MRPS6: variants seen among roughly 807,000 people sequenced by gnomAD.
MRPS6 encodes small ribosomal subunit protein bS6m.
In MRPS6, 6 loss-of-function variants were observed where a neutral mutation model predicts 13.1. That is an observed-to-expected ratio of 0.46 (90% CI 0.25 to 0.91). MRPS6 has a LOEUF of 0.91. Among genes scored for constraint, MRPS6 ranks in the 40% least tolerant of loss-of-function variants. The pLI, the probability that MRPS6 is intolerant of heterozygous loss-of-function variation, is 0.18. For synonymous variants in MRPS6, 61 were observed against 56.5 expected, an observed-to-expected ratio of 1.08 and a Z score of -0.36; for missense variants, 164 against 155.6, an observed-to-expected ratio of 1.05 and a Z score of -0.29.
intron 2 of MRPS6, among the ~76,000 whole-genome samples, chr21:34,134,377 T>C (rs977686654): frequency 1.3e-4 from 20 of 152,226 alleles, no homozygotes; most frequent in African/African-American, 4.3e-4. Context: ...ATTTCGTTGC[T>C]TAAGGAACCC....
chr21:34,091,222 T>G (rs1052541540), intron 1 of MRPS6, among the ~76,000 whole-genome samples: 1 of 149,766 alleles, frequency 6.7e-6, no homozygotes, highest in African/African-American at 2.5e-5. Flanking sequence ...GAGGTGGTTG[T>G]TTGGTCACGT....
intron 1 of MRPS6, among the ~76,000 whole-genome samples, chr21:34,115,942 C>A (rs1482486259): frequency 1.4e-5 from 2 of 147,460 alleles, no homozygotes. Context: ...TTGGAAGATA[C>A]ATGGATGTAC....
At chr21:34,098,884 T>A in intron 1 of MRPS6, 1 of 999,518 alleles carries the variant, frequency 1.0e-6, no homozygotes, top group Non-Finnish European at 1.2e-6. Context: ...TGTACTTTCT[T>A]TGACCTTCTT....
At chr21:34,118,887 T>G (rs1246792221) in intron 1 of MRPS6, among the ~76,000 whole-genome samples, 2 of 152,186 alleles carry the variant, frequency 1.3e-5, no homozygotes, top group Non-Finnish European at 2.9e-5. Flanking sequence ...TAAATTTTAA[T>G]AAGTGTTTTC....
At chr21:34,111,858 T>G (rs111472886) in intron 1 of MRPS6, among the ~76,000 whole-genome samples, 3,706 of 152,050 alleles carry the variant, frequency 0.024, 76 homozygotes, top group African/African-American at 0.066. Context: ...TTTTTTTTTT[T>G]TTGTTGCTGT....
intron 2 of MRPS6, among the ~76,000 whole-genome samples, chr21:34,139,080 G>C (rs981581602): frequency 6.6e-6 from 1 of 150,778 alleles, no homozygotes; most frequent in Non-Finnish European, 1.5e-5. Flanking sequence ...GTAAACTGTT[G>C]CAAGGACAAA....
rs1980952047 is a variant in MRPS6, at chr21:34,142,820, C to T, written c.*220C>T. Reference sequence around the variant, plus strand: ...TAACCTGCAGTACCAGTGGATCGTTCTTGATTTTGTTTTCATTAGTGTCAT... The same window carrying T: ...TAACCTGCAGTACCAGTGGATCGTTTTTGATTTTGTTTTCATTAGTGTCAT... On this transcript the variant is annotated 3_prime_UTR_variant, in exon 3 of 3. Transcript: ENST00000399312. 7.6e-6 allele frequency: 3 copies of T among 395,746 alleles called. No individual in the cohort carries two copies. The highest frequency in any genetic ancestry group is 8.7e-6 in the Non-Finnish European group (2 of 228,822). 24.5% of individuals were successfully genotyped at this position (395,746 alleles called of 1,614,324 possible). A position where few individuals can be genotyped will look rare whatever the true frequency, so the allele number is the denominator to read the frequency against.
At chr21:34,133,360 A>T (rs1393147364) in intron 2 of MRPS6, among the ~76,000 whole-genome samples, 1 of 152,180 alleles carries the variant, frequency 6.6e-6, no homozygotes, top group Non-Finnish European at 1.5e-5. Flanking sequence ...GGAGGGCTGG[A>T]TGAGAATTGA....
chr21:34,133,588 C>T (rs1015826577), intron 2 of MRPS6, among the ~76,000 whole-genome samples: 1 of 152,196 alleles, frequency 6.6e-6, no homozygotes, highest in Non-Finnish European at 1.5e-5. Context: ...TAAGGAAGGG[C>T]AGGCTTGGAC....
At chr21:34,105,016 CT>C (rs1979413195) in intron 1 of MRPS6, 1 of 999,936 alleles carries the variant, frequency 1.0e-6, no homozygotes, top group Admixed American at 6.2e-5. Flanking sequence ...AGATCTCTAA[CT>C]TTTGAGTGGC....
chr21:34,073,601 C>A lies in MRPS6; in HGVS notation c.-100C>A. On this transcript the variant is annotated 5_prime_UTR_variant, in exon 1 of 3. Coordinates refer to ENST00000399312, the MANE Select transcript of MRPS6 (RefSeq NM_032476.4). ...GTGCTTTCGCCGCCTGGGAGCCGTC[C>A]GGCGCAGCAGTTTCTAGGTCCCCAC... 1 of 1,061,868 alleles carries A rather than the reference C, an allele frequency of 9.4e-7. No individual in the cohort carries two copies. Among genetic ancestry groups the A allele is most frequent in the Non-Finnish European group, 1.3e-6 (1 of 746,034 alleles). The allele number at this position is 1,061,868 out of a possible 1,614,324, so 65.8% of individuals were successfully genotyped here.
At chr21:34,129,668 A>G (rs1980431525) in intron 2 of MRPS6, among the ~76,000 whole-genome samples, 1 of 152,158 alleles carries the variant, frequency 6.6e-6, no homozygotes, top group South Asian at 2.1e-4. Context: ...AGCTTACTCC[A>G]TGAGCACTGG....
intron 1 of MRPS6, chr21:34,102,599 AC>A (rs1405911493): frequency 4.0e-6 from 4 of 1,000,048 alleles, no homozygotes; most frequent in Non-Finnish European, 4.8e-6. Context: ...ATTGACTTAA[AC>A]CAATAACTGT....
At chr21:34,077,957 G>A (rs1236969458) in intron 1 of MRPS6, among the ~76,000 whole-genome samples, 1 of 152,186 alleles carries the variant, frequency 6.6e-6, no homozygotes, top group Non-Finnish European at 1.5e-5. Context: ...TAATGCCTAT[G>A]AAGTGCCTGT....
At chr21:34,118,372 A>C (rs1980002523) in intron 1 of MRPS6, among the ~76,000 whole-genome samples, 1 of 152,142 alleles carries the variant, frequency 6.6e-6, no homozygotes, top group South Asian at 2.1e-4. Flanking sequence ...TGACTCTTCA[A>C]AAATTTTTCC....
intron 1 of MRPS6, chr21:34,123,264 C>T (rs1207856847): frequency 6.6e-6 from 1 of 152,178 alleles, no homozygotes; most frequent in African/African-American, 2.4e-5. Context: ...AGAATGCACA[C>T]TTAAACTTGT....
intron 1 of MRPS6, among the ~76,000 whole-genome samples, chr21:34,121,138 C>T (rs941024300): frequency 6.6e-6 from 1 of 152,054 alleles, no homozygotes; most frequent in Non-Finnish European, 1.5e-5. Context: ...TTTTAGATTG[C>T]TGTAGTGCTG....
At chr21:34,086,657 G>C (rs1372410143) in intron 1 of MRPS6, among the ~76,000 whole-genome samples, 1 of 152,102 alleles carries the variant, frequency 6.6e-6, no homozygotes, top group African/African-American at 2.4e-5. Flanking sequence ...TTTCTCATTT[G>C]TAAATTGGGG....
intron 1 of MRPS6, among the ~76,000 whole-genome samples, chr21:34,089,749 C>G (rs1381764810): frequency 1.3e-5 from 2 of 152,268 alleles, no homozygotes; most frequent in East Asian, 3.9e-4. Flanking sequence ...CCTACTCTGC[C>G]TCAACTTCAC....
Sources: allele counts gnomAD v4.1 joint callset (sites outside exome capture counted in the v4.1 genomes callset), GRCh38; gene constraint gnomAD v4.1.1; transcripts MANE v1.5; gene names NCBI Gene and HGNC (gene_info 2026-07-23, HGNC 2026-07-21).